TMEM260: variants seen among roughly 807,000 people sequenced by gnomAD.
The protein encoded by TMEM260 is transmembrane protein 260.
Under a neutral mutation model 88.9 loss-of-function variants are expected in TMEM260, and 82 were observed. The ratio of observed to expected loss-of-function variants is 0.92; its 90% CI spans 0.77 to 1.11. The LOEUF (loss-of-function observed/expected upper bound fraction) is 1.11. TMEM260 is among the 50% of genes least tolerant of loss of function. The pLI is 0.00. For missense variants in TMEM260, 902 were observed against 853.4 expected (o/e 1.06, Z -0.71); for synonymous variants, 314 against 309.3 (o/e 1.02, Z -0.16).
chr14:56,651,827 A>G (rs1890212478), downstream of TMEM260, among the ~76,000 whole-genome samples: 1 of 152,240 alleles, frequency 6.6e-6, no homozygotes. Context: ...CAATAGATGG[A>G]AATGGCATAA....
intron 7 of TMEM260, 46 bp downstream of exon 7, chr14:56,612,331 A>G: frequency 1.3e-6 from 2 of 1,495,138 alleles, no homozygotes; most frequent in East Asian, 2.3e-5. Flanking sequence ...ATTCTCTATT[A>G]GTTCCTTTAA....
chr14:56,656,799 TAGAAGA>T, the TMEM260 span, among the ~76,000 whole-genome samples: 109 of 152,262 alleles, frequency 7.2e-4, 1 homozygote, highest in African/African-American at 2.3e-3. Context: ...ATCTGGGAAT[TAGAAGA>T]GAGTAACCAA....
intron 15 of TMEM260, among the ~76,000 whole-genome samples, chr14:56,642,703 AAATC>A (rs1889687583): frequency 1.3e-5 from 2 of 152,258 alleles, no homozygotes; most frequent in South Asian, 4.1e-4. Context: ...CCCTTCAAAA[AAATC>A]AATGAATCCA....
chr14:56,649,759 A>G (rs1249782022), downstream of TMEM260, among the ~76,000 whole-genome samples: 1 of 152,212 alleles, frequency 6.6e-6, no homozygotes, highest in Non-Finnish European at 1.5e-5. Flanking sequence ...CTATAGAGAT[A>G]TGTGTATGGC....
At chr14:56,612,367 T>G (rs1288028453) in intron 7 of TMEM260, 82 bp downstream of exon 7, 1 of 1,207,982 alleles carries the variant, frequency 8.3e-7, no homozygotes, top group Non-Finnish European at 1.2e-6. Flanking sequence ...TCTGAGTTCA[T>G]CTCTTTGTAA....
chr14:56,629,465 T>C (rs1888445346), intron 12 of TMEM260, among the ~76,000 whole-genome samples: 1 of 150,346 alleles, frequency 6.7e-6, no homozygotes, highest in Non-Finnish European at 1.5e-5. Context: ...CATACATATA[T>C]TAAAGAACTT....
chr14:56,661,816 A>G, the TMEM260 span, among the ~76,000 whole-genome samples: 1 of 152,158 alleles, frequency 6.6e-6, no homozygotes, highest in Non-Finnish European at 1.5e-5. Context: ...TGACACTGTT[A>G]CTTTACAAAT....
Position 56,618,688 on chromosome 14 carries a change from A to G in TMEM260, c.1151A>G (p.Asn384Ser). Reference sequence around the variant, plus strand: ...GTGTCTGAGACTAACCGAGTGCTGAATAGCAATGGGCTTCAGTGTCTGGAA... The same window carrying G: ...GTGTCTGAGACTAACCGAGTGCTGAGTAGCAATGGGCTTCAGTGTCTGGAA... ...AVVSETNRVL[N>S]SNGLQCLEWL... The change falls in exon 10 of 16, where the codon AAT (asparagine) becomes AGT (serine). Residue 384 changes from asparagine (N) to serine (S), a missense_variant. Physicochemically the swap from Asn to Ser is conservative, Grantham distance 46. Coordinates refer to ENST00000261556, the MANE Select transcript of TMEM260 (RefSeq NM_017799.4). 1.9e-6 allele frequency: 3 copies of G among 1,614,230 alleles called. No individual in the cohort carries two copies. Among genetic ancestry groups the G allele is most frequent in the Non-Finnish European group, 2.5e-6 (3 of 1,180,040 alleles).
chr14:56,605,740 C>A, intron 5 of TMEM260, 57 bp downstream of exon 5: 1 of 1,042,518 alleles, frequency 9.6e-7, no homozygotes, highest in Admixed American at 2.4e-5. Flanking sequence ...TCTAATATAA[C>A]ATTTTTGTCA....
At chr14:56,606,939 T>G (rs550568684) in intron 5 of TMEM260, among the ~76,000 whole-genome samples, 4 of 152,092 alleles carry the variant, frequency 2.6e-5, no homozygotes, top group Non-Finnish European at 5.9e-5. Flanking sequence ...AAGGGAAACA[T>G]AGCAGTTGAC....
chr14:56,654,703 A>G (rs1164813694), downstream of TMEM260, among the ~76,000 whole-genome samples: 1 of 150,138 alleles, frequency 6.7e-6, no homozygotes, highest in Non-Finnish European at 1.5e-5. Flanking sequence ...AATCTCAGCT[A>G]CTTGGGAGGC....
At position 56,633,018 on chromosome 14, in the gene TMEM260, G is replaced by A; in HGVS notation, c.1571G>A (p.Gly524Glu). The change falls in exon 13 of 16, where the codon GGA becomes GAA. Residue 524 changes from glycine to glutamate, a missense_variant. By Grantham distance (98) the Gly-to-Glu change is moderately conservative (BLOSUM62 -2). Coordinates refer to ENST00000261556, the MANE Select transcript of TMEM260 (RefSeq NM_017799.4). ...NKQKETFVCI[G>E]IHEGDPTWKK... is the part of the protein sequence containing the mutation. ...AGAAAAGAAACATTTGTTTGCATAG[G>A]AATTCATGAAGGCGACCCAACCTGG... The A allele has an allele frequency of 6.2e-7, 1 of 1,613,758 alleles. No homozygotes were observed.
At position 56,626,966 on chromosome 14, in the gene TMEM260, A is replaced by G. The variant is rs76432659; in HGVS notation, c.1547+1436A>G. ...ACATACTGTATTATATATAGCTGAG[A>G]TATCATTTTCTGTCCAATTTTTTTA... is the stretch of plus-strand genomic sequence containing the variant. On this transcript the variant is annotated intron_variant, in intron 12 of 15. Coordinates refer to ENST00000261556, the MANE Select transcript of TMEM260 (RefSeq NM_017799.4). 9.6e-3 allele frequency among the ~76,000 whole-genome samples: 1,459 copies of G among 152,202 alleles called. 44 individuals are homozygous for G. The East Asian group carries it at 0.099, about 10-fold the overall frequency.
chr14:56,660,665 A>T, the TMEM260 span, among the ~76,000 whole-genome samples: 1 of 152,236 alleles, frequency 6.6e-6, no homozygotes, highest in Non-Finnish European at 1.5e-5. Flanking sequence ...GCTAATTCTC[A>T]TAGCAAAAGA....
chr14:56,601,678 A>C (rs1278676543), intron 3 of TMEM260, among the ~76,000 whole-genome samples: 4 of 152,146 alleles, frequency 2.6e-5, no homozygotes, highest in African/African-American at 7.2e-5. Flanking sequence ...CTTTCTATGG[A>C]AAGGCCAATG....
intron 15 of TMEM260, among the ~76,000 whole-genome samples, chr14:56,642,322 T>G: frequency 6.6e-6 from 1 of 152,064 alleles, no homozygotes; most frequent in Non-Finnish European, 1.5e-5. Flanking sequence ...CAGACCACAG[T>G]GCAATCAAAC....
At chr14:56,662,204 G>A in the TMEM260 span, among the ~76,000 whole-genome samples, 19 of 152,182 alleles carry the variant, frequency 1.2e-4, no homozygotes, top group African/African-American at 3.4e-4. Context: ...ACATCTTTCC[G>A]CCAGAAGCTA....
downstream of TMEM260, chr14:56,649,639 G>C (rs1012380195): frequency 6.5e-6 from 1 of 154,620 alleles, no homozygotes; most frequent in Non-Finnish European, 1.4e-5. Flanking sequence ...TGTGGTGTTT[G>C]AGGAACCTTA....
At chr14:56,601,220 T>C (rs112661576) in intron 3 of TMEM260, among the ~76,000 whole-genome samples, 4,993 of 152,296 alleles carry the variant, frequency 0.033, 219 homozygotes, top group African/African-American at 0.095. Flanking sequence ...ATGTCAACAG[T>C]TCAAATGCTT....
Sources: gnomAD v4.1 joint callset for allele counts (sites outside exome capture counted in the v4.1 genomes callset) on GRCh38, gnomAD v4.1.1 for gene constraint, MANE v1.5 for transcripts, NCBI Gene and HGNC (gene_info 2026-07-23, HGNC 2026-07-21) for gene names.